Variants in TP53BP2 observed in about 807,000 individuals in gnomAD.
The protein encoded by TP53BP2 is apoptosis-stimulating of p53 protein 2.
A neutral mutation model predicts 126.2 loss-of-function variants in TP53BP2; 62 were observed. The ratio of observed to expected loss-of-function variants is 0.49; its 90% CI spans 0.40 to 0.61. The LOEUF is 0.61. Ranked by LOEUF, TP53BP2 falls within the 20% of genes least tolerant of loss-of-function variation. The probability of loss-of-function intolerance (pLI) is 0.00; values close to 1 mark genes in which losing one functional copy is unlikely to be tolerated. For synonymous variants in TP53BP2, 485 were observed against 502.9 expected (o/e 0.96, Z 0.48); for missense variants, 1,215 against 1,402.8 (o/e 0.87, Z 2.14).
intron 1 of TP53BP2, among the ~76,000 whole-genome samples, chr1:223,832,243 C>G (rs1388244973): frequency 1.3e-5 from 2 of 152,154 alleles, no homozygotes; most frequent in African/African-American, 4.8e-5. Context: ...TCAAATCCTT[C>G]AAGTTTACCT....
At position 223,796,080 on chromosome 1, in the gene TP53BP2, C is replaced by T; in HGVS notation, c.2459G>A (p.Gly820Glu). The part of the protein sequence containing the change: ...VPESLSPEDV[G>E]NASTENSDMP... ...GTCACTGTTCTCTGTACTGGCATTCCCCACATCCTCTGGGGACAATGATTC... is the reference window on the plus strand; with the variant it reads ...GTCACTGTTCTCTGTACTGGCATTCTCCACATCCTCTGGGGACAATGATTC... The change falls in exon 13 of 18, where the codon GGG becomes GAG. Residue 820 changes from glycine (G) to glutamate (E), a missense_variant. Gly to Glu is a moderately conservative substitution (Grantham distance 98, BLOSUM62 -2). Transcript: ENST00000343537. The surrounding 1 kb of genome is among the most constrained non-coding windows in gnomAD (Gnocchi z 4.2). 6.2e-7 allele frequency: 1 copy of T among 1,614,150 alleles called. No individual in the cohort carries two copies. Among genetic ancestry groups the T allele is most frequent in the Non-Finnish European group, 8.5e-7 (1 of 1,180,032 alleles).
chr1:223,840,715 G>A (rs1664074798), intron 1 of TP53BP2, among the ~76,000 whole-genome samples: 1 of 152,202 alleles, frequency 6.6e-6, no homozygotes, highest in African/African-American at 2.4e-5. Flanking sequence ...AGGCGGTGGG[G>A]ATAAAGACGG....
At position 223,798,529 on chromosome 1, in the gene TP53BP2, G is replaced by C. The variant is rs750891647; in HGVS notation, c.1634C>G (p.Ser545Cys). The change falls in exon 12 of 18, where the codon TCC (serine) becomes TGC (cysteine). Residue 545 changes from serine (S) to cysteine (C), a missense_variant. This residue lies in a region of TP53BP2 where 814 missense variants were observed against 853.0 expected (regional missense o/e 0.95). Transcript: ENST00000343537. ...TGCTGGTTTTGGTTTAGTTCCCATG[G>C]ACGGAACAACTGTTGACAACTGCTG... The part of the protein sequence containing the change: ...SSQQLSTVVP[S>C]MGTKPKPAGQ... The C allele has an allele frequency of 1.2e-6, 2 of 1,614,072 alleles. No homozygotes were observed. The highest frequency in any genetic ancestry group is 2.7e-5 in the African/African-American group (2 of 74,926).
At chr1:223,824,637 C>T (rs944368270) in intron 1 of TP53BP2, among the ~76,000 whole-genome samples, 2 of 152,108 alleles carry the variant, frequency 1.3e-5, no homozygotes, top group Admixed American at 6.5e-5. Context: ...CAAACCTGCA[C>T]ATCCTGCACC....
Position 223,780,596 on chromosome 1 carries a change from A to G in TP53BP2, c.*257T>C. 4.4e-6 allele frequency: 2 copies of G among 451,500 alleles called. 1 individual carries two copies. Among genetic ancestry groups the G allele is most frequent in the South Asian group, 6.9e-5 (2 of 28,828 alleles). The allele number at this position is 451,500 out of a possible 1,614,324, so 28.0% of individuals were successfully genotyped here. A position where few individuals can be genotyped will look rare whatever the true frequency, so the allele number is the denominator to read the frequency against. On this transcript the variant is annotated 3_prime_UTR_variant, in exon 18 of 18. Coordinates refer to ENST00000343537, the MANE Select transcript of TP53BP2 (RefSeq NM_001031685.3). ...GTAGAAAACAGGATTGTCGCTGTAT[A>G]CTTATCTGAGTGCTACACGGGACAC...
chr1:223,791,419 A>G (rs1662151763), intron 15 of TP53BP2, among the ~76,000 whole-genome samples: 1 of 150,350 alleles, frequency 6.7e-6, no homozygotes, highest in African/African-American at 2.5e-5. Context: ...GTAGACACAC[A>G]TTAAAATATA....
chr1:223,802,291 C>T lies in TP53BP2; in HGVS notation c.1050G>A (p.Val350=). The change falls in exon 9 of 18, where the codon GTG becomes GTA. Residue 350 remains valine (V), a synonymous_variant. Transcript: ENST00000343537. ...ACTGGATATAGGGACCTACTGCAGC[C>T]ACACGGCTTGGGGCTGACGCGGCTT... ...PQQAASAPSR[V]AAVGPYIQSS... 6.2e-7 allele frequency: 1 copy of T among 1,614,228 alleles called. No homozygotes were observed.
At chr1:223,843,374 T>A (rs1664169006) in intron 1 of TP53BP2, among the ~76,000 whole-genome samples, 1 of 152,166 alleles carries the variant, frequency 6.6e-6, no homozygotes, top group Non-Finnish European at 1.5e-5. Context: ...TTTCACCATG[T>A]TGGCCAGGAG....
At chr1:223,845,539 G>C in intron 1 of TP53BP2, 115 bp downstream of exon 1, 1 of 1,180,230 alleles carries the variant, frequency 8.5e-7, no homozygotes, top group Non-Finnish European at 1.1e-6. Flanking sequence ...CGGCCCCTCC[G>C]CGCGGGCTGC....
At chr1:223,804,869 G>T (rs1226010981) in intron 5 of TP53BP2, among the ~76,000 whole-genome samples, 1 of 152,154 alleles carries the variant, frequency 6.6e-6, no homozygotes, top group Non-Finnish European at 1.5e-5. Context: ...CTATAGTGAA[G>T]ATTAAATGAA....
intron 1 of TP53BP2, chr1:223,845,343 A>C: frequency 1.2e-6 from 1 of 805,014 alleles, no homozygotes. Context: ...AAAAAAGTCA[A>C]GACCCAGTGA....
intron 4 of TP53BP2, among the ~76,000 whole-genome samples, chr1:223,808,991 A>G (rs775008175): frequency 6.6e-6 from 1 of 152,206 alleles, no homozygotes; most frequent in African/African-American, 2.4e-5. Context: ...ATGTGGAAAC[A>G]GTAAAACTCT....
chr1:223,801,739 A>C (rs1662531590), intron 9 of TP53BP2, among the ~76,000 whole-genome samples: 1 of 152,230 alleles, frequency 6.6e-6, no homozygotes, highest in Non-Finnish European at 1.5e-5. Flanking sequence ...TAGATTCAGA[A>C]CCTCACATCC....
Position 223,840,549 on chromosome 1 carries a change from G to C in TP53BP2, c.27+5105C>G, listed in dbSNP as rs144888527. Reference sequence around the variant, plus strand: ...GCAGTTATCCCATTTAAGCTAAGGAGAGGCTAGATAACATGAGCTTCAAGA... The same window carrying C: ...GCAGTTATCCCATTTAAGCTAAGGACAGGCTAGATAACATGAGCTTCAAGA... On this transcript the variant is annotated intron_variant, in intron 1 of 17. Coordinates refer to ENST00000343537, the MANE Select transcript of TP53BP2 (RefSeq NM_001031685.3). Among the ~76,000 whole-genome samples the C allele has an allele frequency of 3.3e-3, 496 of 152,336 alleles. 2 individuals are homozygous for C. Among genetic ancestry groups the C allele is most frequent in the African/African-American group, 0.011 (466 of 41,578 alleles).
chr1:223,832,302 G>A (rs552857670), intron 1 of TP53BP2, among the ~76,000 whole-genome samples: 44 of 152,290 alleles, frequency 2.9e-4, no homozygotes, highest in African/African-American at 1.0e-3. Flanking sequence ...TAAAAAGAGT[G>A]ACACAAATCC....
intron 17 of TP53BP2, among the ~76,000 whole-genome samples, chr1:223,783,707 AT>A (rs1661853142): frequency 6.6e-6 from 1 of 152,188 alleles, no homozygotes; most frequent in Middle Eastern, 3.2e-3. Context: ...GCATGATATT[AT>A]TTTCTTGCTT....
Position 223,800,709 on chromosome 1 carries a change from G to C in TP53BP2, c.1327C>G (p.Leu443Val). 2.5e-6 allele frequency: 4 copies of C among 1,598,340 alleles called. No homozygotes were observed. Among genetic ancestry groups the C allele is most frequent in the South Asian group, 1.1e-5 (1 of 87,720 alleles). Residue 443 changes from leucine (L) to valine (V), a missense_variant, in exon 10 of 18, where the codon CTG becomes GTG. Leu to Val is a conservative substitution (Grantham distance 32). Around this residue, in one of 4 missense-constraint regions of TP53BP2, gnomAD observed 814 missense variants for 853.0 expected, o/e 0.95. Transcript: ENST00000343537. ...ASVPQSTGNA[L>V]DQVDDGEVPL... ...CACAAATAAATCTCACCTTGATCCA[G>C]AGCATTCCCAGTGCTTTGAGGTACA...
intron 1 of TP53BP2, among the ~76,000 whole-genome samples, chr1:223,841,248 G>GAAAGAAATAAAT (rs1553264827): frequency 2.0e-5 from 3 of 146,910 alleles, no homozygotes; most frequent in Admixed American, 1.3e-4. Context: ...TCCGTCTCAA[G>GAAAGAAATAAAT]AAATAAATAA....
chr1:223,842,218 G>T (rs993052119), intron 1 of TP53BP2, among the ~76,000 whole-genome samples: 3 of 152,144 alleles, frequency 2.0e-5, no homozygotes, highest in African/African-American at 4.8e-5. Context: ...GATTACAGGC[G>T]TAGCCACCGT....
Sources: gnomAD v4.1 joint callset for allele counts (sites outside exome capture counted in the v4.1 genomes callset) on GRCh38, gnomAD v4.1.1 for gene constraint, gnomAD v4.1.1 regional missense constraint, Gnocchi (gnomAD v3.1) non-coding constraint, MANE v1.5 for transcripts, NCBI Gene and HGNC (gene_info 2026-07-23, HGNC 2026-07-21) for gene names.